Variants in ZNF521 observed in about 807,000 individuals in gnomAD.
ZNF521 encodes LYST-interacting protein 3.
In ZNF521, 14 loss-of-function variants were observed where a neutral mutation model predicts 105.5. The ratio of observed to expected loss-of-function variants is 0.13; its 90% confidence interval spans 0.09 to 0.21. The LOEUF is 0.21. Among genes scored for constraint, ZNF521 ranks in the 10% least tolerant of loss-of-function variants. ZNF521 has a pLI of 1.00. For missense variants in ZNF521, 1,233 were observed against 1,629.7 expected (o/e 0.76, Z 4.19); for synonymous variants, 635 against 606.0 (o/e 1.05, Z -0.70).
At chr18:25,276,228 C>T (rs1910026013) in intron 3 of ZNF521, among the ~76,000 whole-genome samples, 1 of 152,062 alleles carries the variant, frequency 6.6e-6, no homozygotes, top group Non-Finnish European at 1.5e-5. Flanking sequence ...CCTCCCCCTC[C>T]ACCCACCCCA....
intron 3 of ZNF521, among the ~76,000 whole-genome samples, chr18:25,320,475 G>A (rs1003788354): frequency 2.0e-5 from 3 of 152,032 alleles, no homozygotes; most frequent in African/African-American, 4.8e-5. Context: ...CTGGCCTAAA[G>A]GCTAACTTTC....
chr18:25,086,476 T>G (rs544391581), intron 7 of ZNF521, among the ~76,000 whole-genome samples: 129 of 152,300 alleles, frequency 8.5e-4, no homozygotes, highest in Middle Eastern at 3.4e-3. Flanking sequence ...GATCCATTTT[T>G]CTTAATGTGT....
chr18:25,114,350 T>C (rs1454671591), intron 5 of ZNF521, among the ~76,000 whole-genome samples: 1 of 152,204 alleles, frequency 6.6e-6, no homozygotes, highest in Admixed American at 6.5e-5. Context: ...ATATTTTTGA[T>C]AGGAGTGGTC....
intron 3 of ZNF521, among the ~76,000 whole-genome samples, chr18:25,282,628 A>G (rs555786721): frequency 2.1e-4 from 32 of 152,290 alleles, no homozygotes; most frequent in Admixed American, 1.5e-3. Context: ...TTCCATCCCC[A>G]CTGTGACAGG....
At chr18:25,176,859 G>A (rs927160556) in intron 5 of ZNF521, among the ~76,000 whole-genome samples, 1 of 152,326 alleles carries the variant, frequency 6.6e-6, no homozygotes, top group Admixed American at 6.5e-5. Context: ...GCACACGTGC[G>A]CGTGCACGCA....
chr18:25,266,311 T>C (rs1909247202), intron 3 of ZNF521, among the ~76,000 whole-genome samples: 1 of 152,248 alleles, frequency 6.6e-6, no homozygotes, highest in Non-Finnish European at 1.5e-5. Context: ...TCCTACTATG[T>C]ACCCACAAAA....
chr18:25,131,430 G>A (rs960646804), intron 5 of ZNF521, among the ~76,000 whole-genome samples: 2 of 152,050 alleles, frequency 1.3e-5, no homozygotes, highest in Non-Finnish European at 2.9e-5. Context: ...CTCATTCTTC[G>A]AATATTAGTT....
chr18:25,143,742 G>A (rs1422435563), intron 5 of ZNF521, among the ~76,000 whole-genome samples: 1 of 152,130 alleles, frequency 6.6e-6, no homozygotes, highest in African/African-American at 2.4e-5. Flanking sequence ...GAGACAGAAA[G>A]TTGCGATAAC....
intron 3 of ZNF521, among the ~76,000 whole-genome samples, chr18:25,300,540 AT>A (rs1911580156): frequency 6.6e-6 from 1 of 152,128 alleles, no homozygotes; most frequent in African/African-American, 2.4e-5. Flanking sequence ...AAAGCTCAAT[AT>A]TTTGGATGTA....
At chr18:25,068,763 A>T (rs1005221604) in intron 7 of ZNF521, among the ~76,000 whole-genome samples, 1 of 152,226 alleles carries the variant, frequency 6.6e-6, no homozygotes, top group Admixed American at 6.5e-5. Flanking sequence ...TTCTGCCTTT[A>T]TTAATGAATG....
chr18:25,079,379 G>T (rs2033438450), intron 7 of ZNF521, among the ~76,000 whole-genome samples: 1 of 152,204 alleles, frequency 6.6e-6, no homozygotes, highest in East Asian at 1.9e-4. Context: ...ACTCATCGAT[G>T]ATTAGCAGCA....
At chr18:25,332,906 A>G (rs1399557053) in intron 2 of ZNF521, among the ~76,000 whole-genome samples, 2 of 152,222 alleles carry the variant, frequency 1.3e-5, no homozygotes. Flanking sequence ...CTAAAAGTGA[A>G]CGTGTACGCC....
chr18:25,237,781 AG>A (rs2144783011), intron 3 of ZNF521, among the ~76,000 whole-genome samples: 1 of 152,354 alleles, frequency 6.6e-6, no homozygotes, highest in Admixed American at 6.5e-5. Context: ...TTTTCTCTTA[AG>A]ATGGCCTGTT....
chr18:25,237,922 T>C (rs1907031691), intron 3 of ZNF521, among the ~76,000 whole-genome samples: 1 of 152,222 alleles, frequency 6.6e-6, no homozygotes, highest in Non-Finnish European at 1.5e-5. Flanking sequence ...TTCATGTATA[T>C]ATATGAAACA....
intron 7 of ZNF521, among the ~76,000 whole-genome samples, chr18:25,084,512 G>A (rs2033576906): frequency 2.1e-5 from 3 of 141,340 alleles, no homozygotes; most frequent in African/African-American, 4.9e-5. Context: ...AGTGATTTCT[G>A]AAAGTCTCGG....
At chr18:25,231,810 C>G (rs774328238) in intron 3 of ZNF521, among the ~76,000 whole-genome samples, 1 of 152,132 alleles carries the variant, frequency 6.6e-6, no homozygotes, top group Non-Finnish European at 1.5e-5. Flanking sequence ...AGGACAGGGA[C>G]CAAGCCTTTC....
chr18:25,224,594 G>A lies in ZNF521; in HGVS notation c.3324C>T (p.Asn1108=), dbSNP rs766857014. The A allele has an allele frequency of 1.4e-5, 22 of 1,614,010 alleles. No homozygotes were observed. The highest frequency in any genetic ancestry group is 1.6e-4 in the Middle Eastern group (1 of 6,084). The stretch of plus-strand genomic sequence containing the variant: ...CTGGTCTATTCGTGCCGGGAGGGAC[G>A]TTAATGCCTGGGCTGGCGCTCTTAC... ...NLSKSASPGI[N]VPPGTNRPGL... is the part of the protein sequence containing the mutation. The change falls in exon 4 of 8, where the codon AAC becomes AAT. Residue 1108 remains asparagine, a synonymous_variant. Coordinates refer to ENST00000361524, the MANE Select transcript of ZNF521 (RefSeq NM_015461.3).
chr18:25,098,063 G>A (rs2033889567), intron 5 of ZNF521, among the ~76,000 whole-genome samples: 1 of 152,132 alleles, frequency 6.6e-6, no homozygotes, highest in Non-Finnish European at 1.5e-5. Flanking sequence ...GGCAGGCAGT[G>A]GGATTTTAGA....
intron 3 of ZNF521, among the ~76,000 whole-genome samples, chr18:25,319,777 A>G (rs1234074693): frequency 2.0e-5 from 3 of 152,202 alleles, no homozygotes; most frequent in African/African-American, 4.8e-5. Context: ...CAACATCAAC[A>G]TGGTAACAAA....
Sources: gnomAD v4.1 joint callset for allele counts (sites outside exome capture counted in the v4.1 genomes callset) on GRCh38, gnomAD v4.1.1 for gene constraint, MANE v1.5 for transcripts, NCBI Gene and HGNC (gene_info 2026-07-23, HGNC 2026-07-21) for gene names.